Variants in TLN1 observed in about 807,000 individuals in gnomAD.
The protein encoded by TLN1 is talin 1.
A neutral mutation model predicts 292.3 loss-of-function variants in TLN1; 56 were observed. The observed-to-expected ratio is 0.19, with a 90% CI of 0.15 to 0.24. The LOEUF is 0.24. Among genes scored for constraint, TLN1 ranks in the 10% least tolerant of loss-of-function variants. The pLI is 1.00. For missense variants in TLN1, 2,433 were observed against 3,248.2 expected, an observed-to-expected ratio of 0.75 and a Z score of 6.10; for synonymous variants, 1,119 against 1,253.7, an observed-to-expected ratio of 0.89 and a Z score of 2.27.
intron 34 of TLN1, 138 bp downstream of exon 34, chr9:35,708,199 ACAGT>A: frequency 9.3e-7 from 1 of 1,076,624 alleles, no homozygotes; most frequent in East Asian, 2.6e-5. Context: ...GCAGAAAAAG[ACAGT>A]TACCCAAAAA....
chr9:35,730,954 CT>C (rs1036860629), intron 1 of TLN1, among the ~76,000 whole-genome samples: 1 of 152,122 alleles, frequency 6.6e-6, no homozygotes. Flanking sequence ...CTTGTACATC[CT>C]GGGTCCCTAT....
At position 35,719,803 on chromosome 9, in the gene TLN1, G is replaced by A. The variant is rs749528286; in HGVS notation, c.1515C>T (p.Ala505=). The change falls in exon 14 of 57, where the codon GCC becomes GCT. Residue 505 remains alanine (A), a synonymous_variant. Transcript: ENST00000314888. This position sits in a 1 kb window ranked among gnomAD's most constrained non-coding sequence, Gnocchi z 4.6. ...CCAGGGTGGCCTGGGCAGCCTGCAC[G>A]GCCTGCATGCTGGAGTTAATGGTTC... ...LTGTINSSMQ[A]VQAAQATLDD... 189 of 1,602,396 alleles carry A rather than the reference G, an allele frequency of 1.2e-4. 1 individual carries two copies. Among genetic ancestry groups the A allele is most frequent in the Non-Finnish European group, 1.4e-4 (163 of 1,174,318 alleles).
intron 25 of TLN1, 142 bp from the exon 26 acceptor site, chr9:35,713,440 T>C: frequency 1.6e-6 from 1 of 620,658 alleles, no homozygotes; most frequent in Non-Finnish European, 2.7e-6. Flanking sequence ...TCCTAGCACG[T>C]TGGGAGGCTG....
rs185407414 is a variant in TLN1, at chr9:35,711,786, G to C, written c.3688C>G (p.Pro1230Ala). ...GCTTCTTGAAATGTCCCAGTGCTAG[G>C]AGGAAGCTGCAAGGTGAGAGGGGAA... Reference protein sequence around the residue: ...SKRLLSDSLPPSTGTFQEAQS... With the variant: ...SKRLLSDSLPASTGTFQEAQS... Residue 1230 changes from proline (P) to alanine (A), a missense_variant, in exon 29 of 57, where the codon CCT becomes GCT. Around this residue, in one of 7 missense-constraint regions of TLN1, gnomAD observed 1,384 missense variants for 1,699.6 expected, o/e 0.81. Coordinates refer to ENST00000314888, the MANE Select transcript of TLN1 (RefSeq NM_006289.4). 1.9e-6 allele frequency: 3 copies of C among 1,614,044 alleles called. No individual in the cohort carries two copies. The highest frequency in any genetic ancestry group is 3.3e-5 in the Admixed American group (2 of 60,028).
At chr9:35,728,377 G>A (rs1048374524) in intron 1 of TLN1, among the ~76,000 whole-genome samples, 15 of 152,268 alleles carry the variant, frequency 9.9e-5, no homozygotes, top group African/African-American at 3.4e-4. Context: ...CTCTGAGTCC[G>A]CAACCGCTGG....
chr9:35,698,553 A>C lies in TLN1; in HGVS notation c.7189-48T>G, dbSNP rs751291622. Reference sequence around the variant, plus strand: ...AAAAATATGCCCCTTGCCCTGGTCCATCCCCACTCCAGCCTTCTCAAGTCT... The same window carrying C: ...AAAAATATGCCCCTTGCCCTGGTCCCTCCCCACTCCAGCCTTCTCAAGTCT... On this transcript the variant is annotated intron_variant, in intron 54 of 56. Coordinates refer to ENST00000314888, the MANE Select transcript of TLN1 (RefSeq NM_006289.4). This position sits in a 1 kb window ranked among gnomAD's most constrained non-coding sequence, Gnocchi z 5.3. 5.6e-6 allele frequency: 9 copies of C among 1,613,942 alleles called. No individual in the cohort carries two copies. Among genetic ancestry groups the C allele is most frequent in the South Asian group, 1.1e-5 (1 of 91,078 alleles).
intron 48 of TLN1, among the ~76,000 whole-genome samples, chr9:35,701,478 T>C (rs1225614053): frequency 6.6e-6 from 1 of 152,234 alleles, no homozygotes; most frequent in Non-Finnish European, 1.5e-5. Context: ...TCTTGCTATG[T>C]TGTCCAGACT....
chr9:35,706,115 T>TG lies in TLN1; in HGVS notation c.5362-5dup. On this transcript the variant is annotated splice_region_variant and splice_polypyrimidine_tract_variant and intron_variant, in intron 40 of 56. Coordinates refer to ENST00000314888, the MANE Select transcript of TLN1 (RefSeq NM_006289.4). This position sits in a 1 kb window ranked among gnomAD's most constrained non-coding sequence, Gnocchi z 4.2. ...CTTCCTGGGTGTGAGCTGCTTGCTG[T>TG]GGGGAGAGGAGAGGAGCTCTGTTGT... 6.2e-7 allele frequency: 1 copy of TG among 1,614,084 alleles called. No individual in the cohort carries two copies. Among genetic ancestry groups the TG allele is most frequent in the Middle Eastern group, 1.6e-4 (1 of 6,062 alleles).
In TLN1 at chr9:35,719,497, C is replaced by A. The variant is rs368520051; in HGVS notation, c.1687+22G>T. The A allele has an allele frequency of 6.2e-7, 1 of 1,605,326 alleles. No individual in the cohort carries two copies. Among genetic ancestry groups the A allele is most frequent in the Non-Finnish European group, 8.5e-7 (1 of 1,172,548 alleles). ...GCACCCCCTCTCCCCATCACACACCCGGAAGCTAGCATCCGGCCTACCTGC... is the reference window on the plus strand; with the variant it reads ...GCACCCCCTCTCCCCATCACACACCAGGAAGCTAGCATCCGGCCTACCTGC... On this transcript the variant is annotated intron_variant, in intron 15 of 56. Transcript: ENST00000314888. The surrounding 1 kb of genome is among the most constrained non-coding windows in gnomAD (Gnocchi z 4.6).
rs1825385597 is a variant in TLN1, at chr9:35,697,428, T to C, written c.*363A>G. 3 of 251,332 alleles carry C rather than the reference T, an allele frequency of 1.2e-5. No individual in the cohort carries two copies. The highest frequency in any genetic ancestry group is 2.3e-5 in the Non-Finnish European group (3 of 129,754). The allele number at this position is 251,332 out of a possible 1,614,324, so 15.6% of individuals were successfully genotyped here. A position where few individuals can be genotyped will look rare whatever the true frequency, so the allele number is the denominator to read the frequency against. Reference sequence around the variant, plus strand: ...GGTAGCTGGGGGTGGGGGAAGATAGTATCAAAAAACGGTGAAGAGAGCTGA... The same window carrying C: ...GGTAGCTGGGGGTGGGGGAAGATAGCATCAAAAAACGGTGAAGAGAGCTGA... On this transcript the variant is annotated 3_prime_UTR_variant, in exon 57 of 57. Coordinates refer to ENST00000314888, the MANE Select transcript of TLN1 (RefSeq NM_006289.4).
intron 33 of TLN1, among the ~76,000 whole-genome samples, chr9:35,708,813 G>A (rs1038153304): frequency 6.6e-6 from 1 of 152,222 alleles, no homozygotes; most frequent in African/African-American, 2.4e-5. Context: ...ATGGCTTACT[G>A]TAAGTAGCAG....
Position 35,717,337 on chromosome 9 carries a change from G to T in TLN1, c.2267C>A (p.Ala756Glu). Reference sequence around the variant, plus strand: ...CAACAGTTGCCCATCCTCTGTAGCTGCCTGGGAGGCAGACACACAGCCCTC... The same window carrying T: ...CAACAGTTGCCCATCCTCTGTAGCTTCCTGGGAGGCAGACACACAGCCCTC... ...AVEGCVSASQAATEDGQLLRG... is the reference protein window; with the variant it reads ...AVEGCVSASQEATEDGQLLRG... Residue 756 changes from alanine to glutamate, a missense_variant, in exon 19 of 57, where the codon GCA becomes GAA. Coordinates refer to ENST00000314888, the MANE Select transcript of TLN1 (RefSeq NM_006289.4). This position sits in a 1 kb window ranked among gnomAD's most constrained non-coding sequence, Gnocchi z 4.7. 2 of 1,614,132 alleles carry T rather than the reference G, an allele frequency of 1.2e-6. No homozygotes were observed. The highest frequency in any genetic ancestry group is 1.7e-6 in the Non-Finnish European group (2 of 1,180,028).
In TLN1 at chr9:35,719,797, C is replaced by T. The variant is rs756343135; in HGVS notation, c.1521G>A (p.Gln507=). 6.9e-6 allele frequency: 11 copies of T among 1,603,084 alleles called. No homozygotes were observed. Among genetic ancestry groups the T allele is most frequent in the Non-Finnish European group, 9.4e-6 (11 of 1,174,634 alleles). ...GTINSSMQAV[Q]AAQATLDDFD... The stretch of plus-strand genomic sequence containing the variant: ...AGTCATCCAGGGTGGCCTGGGCAGC[C>T]TGCACGGCCTGCATGCTGGAGTTAA... The change falls in exon 14 of 57, where the codon CAG becomes CAA. Residue 507 remains glutamine (Q), a synonymous_variant. Transcript: ENST00000314888. This position sits in a 1 kb window ranked among gnomAD's most constrained non-coding sequence, Gnocchi z 4.6.
Position 35,698,795 on chromosome 9 carries a change from T to C in TLN1, c.7125+13A>G. On this transcript the variant is annotated intron_variant, in intron 53 of 56. Coordinates refer to ENST00000314888, the MANE Select transcript of TLN1 (RefSeq NM_006289.4). The surrounding 1 kb of genome is among the most constrained non-coding windows in gnomAD (Gnocchi z 5.3). ...CAACCTGTCCCCATTCTTCTGGGTA[T>C]TTAAGCACTCACCTTCCCTTGGGCC... is the stretch of plus-strand genomic sequence containing the variant. 1 of 1,613,904 alleles carries C rather than the reference T, an allele frequency of 6.2e-7. No homozygotes were observed.
chr9:35,722,265 T>A, intron 8 of TLN1, 42 bp from the exon 9 acceptor site: 1 of 1,548,054 alleles, frequency 6.5e-7, no homozygotes, highest in Admixed American at 1.7e-5. Flanking sequence ...GAGTTTCATA[T>A]CACAGCTAAG....
Position 35,717,855 on chromosome 9 carries a change from T to A in TLN1, c.1996-69A>T. The stretch of plus-strand genomic sequence containing the variant: ...GATTCACAGACACTTCTCAGAGGCG[T>A]AAGCTGCTTCATTATTCCCACTGAT... On this transcript the variant is annotated intron_variant, in intron 17 of 56. Coordinates refer to ENST00000314888, the MANE Select transcript of TLN1 (RefSeq NM_006289.4). The surrounding 1 kb of genome is among the most constrained non-coding windows in gnomAD (Gnocchi z 4.7). 1 of 1,519,910 alleles carries A rather than the reference T, an allele frequency of 6.6e-7. No individual in the cohort carries two copies. Among genetic ancestry groups the A allele is most frequent in the South Asian group, 1.2e-5 (1 of 81,716 alleles). The allele number at this position is 1,519,910 out of a possible 1,614,324, so 94.2% of individuals were successfully genotyped here.
At position 35,719,773 on chromosome 9, in the gene TLN1, G is replaced by C; in HGVS notation, c.1545C>G (p.Asp515Glu). The C allele has an allele frequency of 6.2e-7, 1 of 1,608,034 alleles. No individual in the cohort carries two copies. The highest frequency in any genetic ancestry group is 2.2e-5 in the East Asian group (1 of 44,676). Residue 515 changes from aspartate (D) to glutamate (E), a missense_variant, in exon 14 of 57, where the codon GAC becomes GAG. Physicochemically the swap from Asp to Glu is conservative, Grantham distance 45 (BLOSUM62 2). Coordinates refer to ENST00000314888, the MANE Select transcript of TLN1 (RefSeq NM_006289.4). The surrounding 1 kb of genome is among the most constrained non-coding windows in gnomAD (Gnocchi z 4.6). ...GGCCAAGAGGCGGCAGAGTGTCAAAGTCATCCAGGGTGGCCTGGGCAGCCT... is the reference window on the plus strand; with the variant it reads ...GGCCAAGAGGCGGCAGAGTGTCAAACTCATCCAGGGTGGCCTGGGCAGCCT... The part of the protein sequence containing the change: ...AVQAAQATLD[D>E]FDTLPPLGQD...
Position 35,707,197 on chromosome 9 carries a change from G to A in TLN1, c.4830C>T (p.Ala1610=), listed in dbSNP as rs146656116. 2.3e-5 allele frequency: 37 copies of A among 1,608,480 alleles called. No individual in the cohort carries two copies. The African/African-American group carries it at 3.4e-4, about 15-fold the overall frequency. ...CCCGGGCTGTCTGGATGAGTCCCCC[G>A]GCACTCTCTAACATTGTCTTGGCAG... ...VISAKTMLES[A]GGLIQTARAL... is the part of the protein sequence containing the mutation. Residue 1610 remains alanine, a synonymous_variant, in exon 37 of 57, where the codon GCC becomes GCT. Coordinates refer to ENST00000314888, the MANE Select transcript of TLN1 (RefSeq NM_006289.4). The surrounding 1 kb of genome is among the most constrained non-coding windows in gnomAD (Gnocchi z 5.6).
At chr9:35,711,944 G>A (rs1825677760) in intron 28 of TLN1, 61 bp downstream of exon 28, 3 of 1,601,128 alleles carry the variant, frequency 1.9e-6, no homozygotes, top group Admixed American at 1.7e-5. Context: ...CCGAGAGGGA[G>A]GAAGGAGAGG....
Sources: allele counts gnomAD v4.1 joint callset (sites outside exome capture counted in the v4.1 genomes callset), GRCh38; gene constraint gnomAD v4.1.1; regional missense constraint gnomAD v4.1.1; non-coding constraint Gnocchi (gnomAD v3.1); transcripts MANE v1.5; gene names NCBI Gene and HGNC (gene_info 2026-07-23, HGNC 2026-07-21).